Variants in DYRK2 observed in about 807,000 individuals in gnomAD.
DYRK2 encodes the protein dual specificity tyrosine-phosphorylation-regulated kinase 2.
In DYRK2, 12 loss-of-function variants were observed where a neutral mutation model predicts 41.6. The observed-to-expected ratio is 0.29, with a 90% CI of 0.18 to 0.47. The LOEUF (loss-of-function observed/expected upper bound fraction) is 0.47. Among genes scored for constraint, DYRK2 ranks in the 20% least tolerant of loss-of-function variants. The pLI is 1.00. For missense variants in DYRK2, 678 were observed against 798.4 expected (o/e 0.85, Z 1.82); for synonymous variants, 322 against 315.7 (o/e 1.02, Z -0.21).
Position 67,649,965 on chromosome 12 carries a change from C to A in DYRK2, c.198+20C>A. On this transcript the variant is annotated intron_variant, in intron 2 of 2. Transcript: ENST00000344096. The stretch of plus-strand genomic sequence containing the variant: ...CACACGGTGAGACCCAGCCCGCGGG[C>A]GGCCCGGGCGGTGGGGGCGGGAGGG... The A allele has an allele frequency of 7.5e-7, 1 of 1,324,952 alleles. No homozygotes were observed. 82.1% of individuals were successfully genotyped at this position (1,324,952 alleles called of 1,614,324 possible).
rs1872659552 is a variant in DYRK2, at chr12:67,662,817, T to C, written c.*4104T>C. On this transcript the variant is annotated 3_prime_UTR_variant, in exon 3 of 3. Coordinates refer to ENST00000344096, the MANE Select transcript of DYRK2 (RefSeq NM_006482.3). ...ATAATTCATTCTACTAGTTTGTTCA[T>C]AGCAATACTTTATTAGTTCAATATA... 6.5e-6 allele frequency: 1 copy of C among 152,728 alleles called. No individual in the cohort carries two copies. 9.5% of individuals were successfully genotyped at this position (152,728 alleles called of 1,614,324 possible). A position where few individuals can be genotyped will look rare whatever the true frequency, so the allele number is the denominator to read the frequency against.
In DYRK2 at chr12:67,651,411, A is replaced by G. The variant is rs115982952; in HGVS notation, c.198+1466A>G. The G allele has an allele frequency of 1.3e-3, 401 of 314,924 alleles. 1 individual carries two copies. Among genetic ancestry groups the G allele is most frequent in the African/African-American group, 8.5e-3 (384 of 45,438 alleles). 19.5% of individuals were successfully genotyped at this position (314,924 alleles called of 1,614,324 possible). ...GTTTGCATGTGGATTCCAATTTTGTAAGGATGGGCTTTGCTTGATCAGAGC... is the reference window on the plus strand; with the variant it reads ...GTTTGCATGTGGATTCCAATTTTGTGAGGATGGGCTTTGCTTGATCAGAGC... On this transcript the variant is annotated intron_variant, in intron 2 of 2. Transcript: ENST00000344096.
rs1028812930 is a variant in DYRK2, at chr12:67,664,416, A to G, written c.*5703A>G. ...AGCAGCAAGAATATATTATGATTGTATCACATGTTCCAGAAGAGCATTACC... is the reference window on the plus strand; with the variant it reads ...AGCAGCAAGAATATATTATGATTGTGTCACATGTTCCAGAAGAGCATTACC... On this transcript the variant is annotated 3_prime_UTR_variant, in exon 3 of 3. Coordinates refer to ENST00000344096, the MANE Select transcript of DYRK2 (RefSeq NM_006482.3). 6.6e-6 allele frequency: 1 copy of G among 152,160 alleles called. No homozygotes were observed. The highest frequency in any genetic ancestry group is 1.5e-5 in the Non-Finnish European group (1 of 68,008). The allele number at this position is 152,160 out of a possible 1,614,324, so 9.4% of individuals were successfully genotyped here.
In DYRK2 at chr12:67,657,400, C is replaced by T; in HGVS notation, c.493C>T (p.Gln165Ter). The change falls in exon 3 of 3, where the codon CAA becomes TAA. Residue 165 changes from glutamine to a stop codon, truncating the protein, a stop_gained. Transcript: ENST00000344096. LOFTEE classifies it high-confidence loss of function. The surrounding 1 kb of genome is among the most constrained non-coding windows in gnomAD (Gnocchi z 4.8). ...TGAACAAGCAATGAAGCAATACATG[C>T]AAAAACTCACAGCCTTCGAACACCA... ...TPEQAMKQYM[Q>*]KLTAFEHHEI... The T allele has an allele frequency of 6.2e-7, 1 of 1,614,118 alleles. No homozygotes were observed. Among genetic ancestry groups the T allele is most frequent in the Non-Finnish European group, 8.5e-7 (1 of 1,180,014 alleles).
Position 67,658,526 on chromosome 12 carries a change from C to T in DYRK2, c.1619C>T (p.Pro540Leu). ...LRHPWLRRRL[P>L]KPPTGEKTSV... ...CACCCCTGGCTGAGGAGGCGGTTGC[C>T]AAAGCCTCCCACCGGGGAGAAAACG... Residue 540 changes from proline (P) to leucine (L), a missense_variant, in exon 3 of 3, where the codon CCA becomes CTA. Coordinates refer to ENST00000344096, the MANE Select transcript of DYRK2 (RefSeq NM_006482.3). The surrounding 1 kb of genome is among the most constrained non-coding windows in gnomAD (Gnocchi z 4.3). The T allele has an allele frequency of 6.2e-7, 1 of 1,613,348 alleles. No individual in the cohort carries two copies. The highest frequency in any genetic ancestry group is 8.5e-7 in the Non-Finnish European group (1 of 1,179,604).
intron 2 of DYRK2, among the ~76,000 whole-genome samples, chr12:67,654,842 G>C (rs1872420293): frequency 6.6e-6 from 1 of 152,190 alleles, no homozygotes; most frequent in African/African-American, 2.4e-5. Context: ...CACCTTGGAA[G>C]GTCTGAGCTC....
chr12:67,655,137 C>T (rs1872429050), intron 2 of DYRK2, among the ~76,000 whole-genome samples: 1 of 152,156 alleles, frequency 6.6e-6, no homozygotes, highest in Non-Finnish European at 1.5e-5. Flanking sequence ...ACAAAAATTG[C>T]TTGAAGTAAA....
At chr12:67,653,619 G>C (rs1872385551) in intron 2 of DYRK2, among the ~76,000 whole-genome samples, 1 of 152,190 alleles carries the variant, frequency 6.6e-6, no homozygotes, top group South Asian at 2.1e-4. Context: ...TTGTGACTTA[G>C]GTCACCAGGG....
rs1872676541 is a variant in DYRK2 at position 67,663,582 on chromosome 12, A to G, written c.*4869A>G. Reference sequence around the variant, plus strand: ...TTCTTAAAGTTCACACCCAGTGCAAAAAACCCAATCAGCAAACTAACCCCA... The same window carrying G: ...TTCTTAAAGTTCACACCCAGTGCAAGAAACCCAATCAGCAAACTAACCCCA... On this transcript the variant is annotated 3_prime_UTR_variant, in exon 3 of 3. Coordinates refer to ENST00000344096, the MANE Select transcript of DYRK2 (RefSeq NM_006482.3). 6.6e-6 allele frequency: 1 copy of G among 152,140 alleles called. No individual in the cohort carries two copies. Among genetic ancestry groups the G allele is most frequent in the African/African-American group, 2.4e-5 (1 of 41,448 alleles). The allele number at this position is 152,140 out of a possible 1,614,324, so 9.4% of individuals were successfully genotyped here.
At position 67,649,816 on chromosome 12, in the gene DYRK2, C is replaced by A; in HGVS notation, c.69C>A (p.Ala23=). 1 of 1,329,228 alleles carries A rather than the reference C, an allele frequency of 7.5e-7. No homozygotes were observed. Among genetic ancestry groups the A allele is most frequent in the Non-Finnish European group, 9.7e-7 (1 of 1,033,144 alleles). 82.3% of individuals were successfully genotyped at this position (1,329,228 alleles called of 1,614,324 possible). A position where few individuals can be genotyped will look rare whatever the true frequency, so the allele number is the denominator to read the frequency against. The stretch of plus-strand genomic sequence containing the variant: ...TTCCAGGCCGAGGTGGGGACAGCGC[C>A]GTTCGTCAGCTTCAGGCTTCCCCGG... ...AYPTGRGGDS[A]VRQLQASPGL... is the part of the protein sequence containing the mutation. The change falls in exon 2 of 3, where the codon GCC becomes GCA. Residue 23 remains alanine, a synonymous_variant. Transcript: ENST00000344096.
intron 2 of DYRK2, among the ~76,000 whole-genome samples, chr12:67,655,649 G>A (rs535385837): frequency 5.3e-4 from 81 of 152,300 alleles, no homozygotes; most frequent in African/African-American, 1.9e-3. Context: ...CCCAAGTATT[G>A]TCTTCTGTTT....
At position 67,657,667 on chromosome 12, in the gene DYRK2, C is replaced by A. The variant is rs762225112; in HGVS notation, c.760C>A (p.Arg254=). The change falls in exon 3 of 3, where the codon CGG becomes AGG. Residue 254 remains arginine, a synonymous_variant. Coordinates refer to ENST00000344096, the MANE Select transcript of DYRK2 (RefSeq NM_006482.3). This position sits in a 1 kb window ranked among gnomAD's most constrained non-coding sequence, Gnocchi z 4.8. ...CCAGCACGTGGCCCTAAAGATGGTG[C>A]GGAATGAGAAGCGCTTCCACCGGCA... ...VHQHVALKMV[R]NEKRFHRQAA... is the part of the protein sequence containing the mutation. The A allele has an allele frequency of 1.2e-6, 2 of 1,613,550 alleles. No homozygotes were observed. The highest frequency in any genetic ancestry group is 1.7e-6 in the Non-Finnish European group (2 of 1,179,824).
At chr12:67,649,228 C>A in intron 1 of DYRK2, 46 bp downstream of exon 1, 4 of 1,379,762 alleles carry the variant, frequency 2.9e-6, no homozygotes, top group Non-Finnish European at 3.8e-6. Flanking sequence ...CCCCCGCCGG[C>A]CCTGGGCAGC....
rs34166200 is a variant in DYRK2 at position 67,657,640 on chromosome 12, C to A, written c.733C>A (p.His245Asn). ...GGTCAAGGCCTACGATCACAAAGTC[C>A]ACCAGCACGTGGCCCTAAAGATGGT... ...QVVKAYDHKV[H>N]QHVALKMVRN... The change falls in exon 3 of 3, where the codon CAC becomes AAC. Residue 245 changes from histidine to asparagine, a missense_variant. His to Asn is a moderately conservative substitution (Grantham distance 68). Coordinates refer to ENST00000344096, the MANE Select transcript of DYRK2 (RefSeq NM_006482.3). The surrounding 1 kb of genome is among the most constrained non-coding windows in gnomAD (Gnocchi z 4.8). 20,423 of 1,613,876 alleles carry A rather than the reference C, an allele frequency of 0.013. 170 individuals carry two copies. Among genetic ancestry groups the A allele is most frequent in the Non-Finnish European group, 0.015 (17,211 of 1,180,022 alleles).
rs1872586101 is a variant in DYRK2, at chr12:67,660,233, T to G, written c.*1520T>G. 6.0e-6 allele frequency: 1 copy of G among 167,036 alleles called. No individual in the cohort carries two copies. Among genetic ancestry groups the G allele is most frequent in the Admixed American group, 6.5e-5 (1 of 15,276 alleles). The allele number at this position is 167,036 out of a possible 1,614,324, so 10.3% of individuals were successfully genotyped here. ...GTAGTACAGATTAGGATAAGTAAGC[T>G]TATATATGCACAGAGATTATTGTAT... On this transcript the variant is annotated 3_prime_UTR_variant, in exon 3 of 3. Coordinates refer to ENST00000344096, the MANE Select transcript of DYRK2 (RefSeq NM_006482.3).
chr12:67,649,815 C>T lies in DYRK2; in HGVS notation c.68C>T (p.Ala23Val). Residue 23 changes from alanine (A) to valine (V), a missense_variant, in exon 2 of 3, where the codon GCC (alanine) becomes GTC (valine). Physicochemically the swap from Ala to Val is moderately conservative, Grantham distance 64. Coordinates refer to ENST00000344096, the MANE Select transcript of DYRK2 (RefSeq NM_006482.3). ...CTTCCAGGCCGAGGTGGGGACAGCG[C>T]CGTTCGTCAGCTTCAGGCTTCCCCG... ...AYPTGRGGDS[A>V]VRQLQASPGL... is the part of the protein sequence containing the mutation. The T allele has an allele frequency of 7.5e-7, 1 of 1,329,512 alleles. No individual in the cohort carries two copies. Among genetic ancestry groups the T allele is most frequent in the East Asian group, 2.8e-5 (1 of 35,714 alleles). The allele number at this position is 1,329,512 out of a possible 1,614,324, so 82.4% of individuals were successfully genotyped here.
rs759294552 is a variant in DYRK2 at position 67,663,726 on chromosome 12, C to T, written c.*5013C>T. 4.6e-5 allele frequency: 7 copies of T among 152,158 alleles called. No homozygotes were observed. Among genetic ancestry groups the T allele is most frequent in the Non-Finnish European group, 8.8e-5 (6 of 68,002 alleles). The allele number at this position is 152,158 out of a possible 1,614,324, so 9.4% of individuals were successfully genotyped here. A position where few individuals can be genotyped will look rare whatever the true frequency, so the allele number is the denominator to read the frequency against. On this transcript the variant is annotated 3_prime_UTR_variant, in exon 3 of 3. Transcript: ENST00000344096. ...TTCTTGTCCAGATCTGACTGACTGA[C>T]TCAGGAGATTATAGTTCCTACTCAT...
chr12:67,657,614 T>G lies in DYRK2; in HGVS notation c.707T>G (p.Val236Gly), dbSNP rs756005590. The change falls in exon 3 of 3, where the codon GTG becomes GGG. Residue 236 changes from valine (V) to glycine (G), a missense_variant. Coordinates refer to ENST00000344096, the MANE Select transcript of DYRK2 (RefSeq NM_006482.3). This position sits in a 1 kb window ranked among gnomAD's most constrained non-coding sequence, Gnocchi z 4.8. ...KVIGKGSFGQ[V>G]VKAYDHKVHQ... is the part of the protein sequence containing the mutation. ...ATTGGGAAGGGGAGCTTTGGGCAGGTGGTCAAGGCCTACGATCACAAAGTC... is the reference window on the plus strand; with the variant it reads ...ATTGGGAAGGGGAGCTTTGGGCAGGGGGTCAAGGCCTACGATCACAAAGTC... 6.2e-7 allele frequency: 1 copy of G among 1,613,820 alleles called. No individual in the cohort carries two copies. Among genetic ancestry groups the G allele is most frequent in the Non-Finnish European group, 8.5e-7 (1 of 1,180,000 alleles).
chr12:67,658,529 AG>A lies in DYRK2; in HGVS notation c.1623del (p.Lys541AsnfsTer10). On this transcript the variant is annotated frameshift_variant, in exon 3 of 3. Transcript: ENST00000344096. LOFTEE classifies it high-confidence loss of function. The surrounding 1 kb of genome is among the most constrained non-coding windows in gnomAD (Gnocchi z 4.3). ...RHPWLRRRLP[K>X]PPTGEKTSVK... Reference sequence around the variant, plus strand: ...CCCTGGCTGAGGAGGCGGTTGCCAAAGCCTCCCACCGGGGAGAAAACGTCAG... The same window carrying A: ...CCCTGGCTGAGGAGGCGGTTGCCAAACCTCCCACCGGGGAGAAAACGTCAG... 6.2e-7 allele frequency: 1 copy of A among 1,613,640 alleles called. No individual in the cohort carries two copies. The highest frequency in any genetic ancestry group is 8.5e-7 in the Non-Finnish European group (1 of 1,179,702).
Sources: allele counts gnomAD v4.1 joint callset (sites outside exome capture counted in the v4.1 genomes callset), GRCh38; gene constraint gnomAD v4.1.1; non-coding constraint Gnocchi (gnomAD v3.1); transcripts MANE v1.5; gene names NCBI Gene and HGNC (gene_info 2026-07-23, HGNC 2026-07-21).